The following PLRG1 variants were observed in gnomAD, a reference collection of about 807,000 sequenced individuals.
PLRG1 encodes pleiotropic regulator 1 (PRL1 homolog, Arabidopsis).
Under a neutral mutation model 74.9 loss-of-function variants are expected in PLRG1, and 28 were observed. The ratio of observed to expected loss-of-function variants is 0.37; its 90% CI spans 0.28 to 0.51. The LOEUF (loss-of-function observed/expected upper bound fraction) is 0.51. Among genes scored for constraint, PLRG1 ranks in the 20% least tolerant of loss-of-function variants. PLRG1 has a pLI of 0.91. For synonymous variants in PLRG1, 197 were observed against 212.4 expected (o/e 0.93, Z 0.63); for missense variants, 445 against 631.9 (o/e 0.70, Z 3.17).
chr4:154,545,861 C>T lies in PLRG1; in HGVS notation c.467G>A (p.Arg156His), dbSNP rs746879517. 1.6e-5 allele frequency: 25 copies of T among 1,610,688 alleles called. No homozygotes were observed. The highest frequency in any genetic ancestry group is 1.6e-4 in the Middle Eastern group (1 of 6,068). ...TGAATTCATCGCTGTAGGCTGTGGA[C>T]GGTCAGAAGCCCCAGGATGTCGGTA... ...SEYRHPGASD[R>H]PQPTAMNSIV... Residue 156 changes from arginine to histidine, a missense_variant, in exon 6 of 15, where the codon CGT (arginine) becomes CAT (histidine). This residue lies in a region of PLRG1 where 206 missense variants were observed against 210.8 expected (regional missense o/e 0.98). Transcript: ENST00000499023.
chr4:154,537,229 T>C (rs1483986252), intron 14 of PLRG1, 57 bp downstream of exon 14: 3 of 1,083,738 alleles, frequency 2.8e-6, no homozygotes, highest in East Asian at 4.8e-5. Flanking sequence ...TAAATGAGAA[T>C]ATGCTGCCAA....
At chr4:154,545,789 CAT>C (rs1560808763) in intron 6 of PLRG1, 45 bp downstream of exon 6, 1 of 1,104,510 alleles carries the variant, frequency 9.1e-7, no homozygotes, top group Non-Finnish European at 1.4e-6. Context: ...AATATGGCAA[CAT>C]GTTCCAAAAG....
chr4:154,541,026 C>G, intron 8 of PLRG1, 92 bp from the exon 9 acceptor site: 1 of 952,208 alleles, frequency 1.1e-6, no homozygotes, highest in East Asian at 2.8e-5. Flanking sequence ...CTTTCAAAGA[C>G]AAAAGGAAAA....
intron 1 of PLRG1, chr4:154,549,830 C>G (rs1263374769): frequency 4.4e-6 from 2 of 454,176 alleles, no homozygotes; most frequent in Non-Finnish European, 8.8e-6. Context: ...GTAAGATGGA[C>G]AAGACCAGCT....
At chr4:154,548,115 C>T (rs1356588168) in intron 2 of PLRG1, among the ~76,000 whole-genome samples, 3 of 152,084 alleles carry the variant, frequency 2.0e-5, no homozygotes, top group African/African-American at 7.2e-5. Context: ...TGTCAAGGGT[C>T]TGACTGAAAG....
chr4:154,548,909 G>C lies in PLRG1; in HGVS notation c.36C>G (p.Thr12=). The stretch of plus-strand genomic sequence containing the variant: ...TCCTCTTCAACGACCTGAACACAAG[G>C]GTGTGTACAGAATGTTTCTGTACCT... The part of the protein sequence containing the change: ...VEEVQKHSVH[T]LVFRSLKRTH... The change falls in exon 2 of 15, where the codon ACC becomes ACG. Residue 12 remains threonine, a synonymous_variant. Coordinates refer to ENST00000499023, the MANE Select transcript of PLRG1 (RefSeq NM_002669.4). The C allele has an allele frequency of 6.2e-7, 1 of 1,603,588 alleles. No homozygotes were observed. Among genetic ancestry groups the C allele is most frequent in the Non-Finnish European group, 8.5e-7 (1 of 1,170,856 alleles).
chr4:154,550,239 G>A, intron 1 of PLRG1, 61 bp downstream of exon 1: 1 of 1,435,154 alleles, frequency 7.0e-7, no homozygotes, highest in East Asian at 2.3e-5. Context: ...TCCCCCACGC[G>A]CACTGCCAAA....
chr4:154,550,232 C>T (rs1578773658), intron 1 of PLRG1, 68 bp downstream of exon 1: 1 of 1,367,158 alleles, frequency 7.3e-7, no homozygotes. Context: ...CTCTCAATCC[C>T]CCACGCGCAC....
chr4:154,540,114 AACTGGATCAAT>A (rs1729528624), intron 10 of PLRG1, 61 bp from the exon 11 acceptor site: 2 of 901,670 alleles, frequency 2.2e-6, no homozygotes, highest in South Asian at 2.6e-5. Context: ...TCAAGAAGAT[AACTGGATCAAT>A]TCAAGGCTGA....
At chr4:154,539,060 A>C in intron 12 of PLRG1, 45 bp downstream of exon 12, 1 of 1,112,182 alleles carries the variant, frequency 9.0e-7, no homozygotes, top group Non-Finnish European at 1.4e-6. Context: ...GCATTATCTT[A>C]AGAACTGAAG....
chr4:154,546,340 A>G, intron 4 of PLRG1, 127 bp from the exon 5 acceptor site: 1 of 612,190 alleles, frequency 1.6e-6, no homozygotes, highest in Non-Finnish European at 3.0e-6. Context: ...TATTATACAA[A>G]TTTGATTAAG....
intron 12 of PLRG1, among the ~76,000 whole-genome samples, chr4:154,538,654 A>G (rs1363467099): frequency 2.0e-5 from 3 of 152,054 alleles, no homozygotes; most frequent in Non-Finnish European, 4.4e-5. Context: ...GATACACCAA[A>G]CAATAGTTGT....
rs1300032868 is a variant in PLRG1 at position 154,539,939 on chromosome 4, T to C, written c.1042+12A>G. On this transcript the variant is annotated intron_variant, in intron 11 of 14. Coordinates refer to ENST00000499023, the MANE Select transcript of PLRG1 (RefSeq NM_002669.4). ...ATGAATATTCTGTAAACTTGAAAAG[T>C]ATCGATCATACCTGTAATAATTTGT... The C allele has an allele frequency of 8.1e-7, 1 of 1,241,286 alleles. No individual in the cohort carries two copies. Among genetic ancestry groups the C allele is most frequent in the East Asian group, 2.3e-5 (1 of 43,324 alleles). The allele number at this position is 1,241,286 out of a possible 1,614,324, so 76.9% of individuals were successfully genotyped here.
intron 4 of PLRG1, 125 bp downstream of exon 4, chr4:154,546,886 G>T: frequency 1.3e-6 from 1 of 757,436 alleles, no homozygotes; most frequent in Non-Finnish European, 2.4e-6. Context: ...ACAAAGCTAT[G>T]CATGGATGCT....
intron 2 of PLRG1, among the ~76,000 whole-genome samples, 165 bp downstream of exon 2, chr4:154,548,664 C>CA (rs945598739): frequency 1.4e-4 from 21 of 145,616 alleles, no homozygotes; most frequent in South Asian, 1.1e-3. Context: ...TGTAAAAGGC[C>CA]AAAAAAAAAA....
chr4:154,543,906 T>C (rs57255677), intron 7 of PLRG1: 40,435 of 152,254 alleles, frequency 0.27, 5,816 homozygotes, highest in Middle Eastern at 0.36. Context: ...CATGAGATAT[T>C]TTGGTATAGG....
At chr4:154,541,220 C>T (rs1385894146) in intron 8 of PLRG1, among the ~76,000 whole-genome samples, 2 of 152,064 alleles carry the variant, frequency 1.3e-5, no homozygotes, top group Non-Finnish European at 2.9e-5. Flanking sequence ...ATTAAATTAA[C>T]TGAGGCTGGC....
Position 154,542,252 on chromosome 4 carries a change from G to A in PLRG1, c.622C>T (p.Arg208Ter), listed in dbSNP as rs868709677. The change falls in exon 8 of 15, where the codon CGA (arginine) becomes TGA (stop). Residue 208 changes from arginine to a stop codon, truncating the protein, a stop_gained. Coordinates refer to ENST00000499023, the MANE Select transcript of PLRG1 (RefSeq NM_002669.4). LOFTEE classifies it high-confidence loss of function. The stretch of plus-strand genomic sequence containing the variant: ...TTTCCAGGTTCCACAGCAATACATC[G>A]AACCCAGCCAAGATGCCCACTGATA... ...RVISGHLGWV[R>*]CIAVEPGNQW... 1 of 1,612,128 alleles carries A rather than the reference G, an allele frequency of 6.2e-7. No individual in the cohort carries two copies. Among genetic ancestry groups the A allele is most frequent in the Non-Finnish European group, 8.5e-7 (1 of 1,178,418 alleles).
In PLRG1 at chr4:154,537,423, C is replaced by T; in HGVS notation, c.1348G>A (p.Val450Ile). Residue 450 changes from valine to isoleucine, a missense_variant, in exon 14 of 15, where the codon GTT becomes ATT. This residue lies in a region of PLRG1 where 221 missense variants were observed against 377.7 expected (regional missense o/e 0.59). Coordinates refer to ENST00000499023, the MANE Select transcript of PLRG1 (RefSeq NM_002669.4). ...GACCCAGGTTGCACAGCTGCGTGAA[C>T]TCTCTGAAAATTGTAGCCAGTTCTC... is the stretch of plus-strand genomic sequence containing the variant. ...DWRTGYNFQRVHAAVQPGSLD... is the reference protein window; with the variant it reads ...DWRTGYNFQRIHAAVQPGSLD... 1.2e-6 allele frequency: 2 copies of T among 1,613,380 alleles called. No individual in the cohort carries two copies. Among genetic ancestry groups the T allele is most frequent in the Non-Finnish European group, 8.5e-7 (1 of 1,179,524 alleles).
Sources: gnomAD v4.1 joint callset for allele counts (sites outside exome capture counted in the v4.1 genomes callset) on GRCh38, gnomAD v4.1.1 for gene constraint, gnomAD v4.1.1 regional missense constraint, MANE v1.5 for transcripts, NCBI Gene and HGNC (gene_info 2026-07-23, HGNC 2026-07-21) for gene names.